FMN2: variants seen among roughly 807,000 people sequenced by gnomAD.
FMN2 encodes formin 2, also known as formin-2.
A neutral mutation model predicts 142.3 loss-of-function variants in FMN2; 51 were observed. That is an observed-to-expected ratio of 0.36 (90% CI 0.29 to 0.45). FMN2 has a LOEUF of 0.45. FMN2 is among the 20% of genes least tolerant of loss of function. The probability of loss-of-function intolerance (pLI) is 1.00; values close to 1 mark genes in which losing one functional copy is unlikely to be tolerated. For synonymous variants in FMN2, 882 were observed against 869.8 expected (o/e 1.01, Z -0.25); for missense variants, 1,936 against 2,122.8 (o/e 0.91, Z 1.73).
At chr1:240,406,692 T>G (rs1456216717) in intron 15 of FMN2, among the ~76,000 whole-genome samples, 2 of 152,132 alleles carry the variant, frequency 1.3e-5, no homozygotes, top group Non-Finnish European at 2.9e-5. Context: ...ATTTTCTTCA[T>G]GGGTGTTAAT....
intron 8 of FMN2, among the ~76,000 whole-genome samples, chr1:240,306,158 C>A (rs1043427257): frequency 6.6e-6 from 1 of 152,108 alleles, no homozygotes; most frequent in African/African-American, 2.4e-5. Context: ...CTATGTTGGC[C>A]AGGCTGGTCT....
At position 240,263,039 on chromosome 1, in the gene FMN2, G is replaced by A. The variant is rs111562693; in HGVS notation, c.4153+5007G>A. On this transcript the variant is annotated intron_variant, in intron 7 of 17. Coordinates refer to ENST00000319653, the MANE Select transcript of FMN2 (RefSeq NM_020066.5). ...CTCCCAAAGTGCTGGGATTACAGGC[G>A]TGAGCCACCTCACCCATCCCCAAGA... Among the ~76,000 whole-genome samples the A allele has an allele frequency of 8.2e-3, 1,250 of 152,158 alleles. 20 individuals carry two copies. The highest frequency in any genetic ancestry group is 0.028 in the African/African-American group (1,164 of 41,510).
At chr1:240,377,161 A>G (rs1673075146) in intron 14 of FMN2, among the ~76,000 whole-genome samples, 1 of 152,174 alleles carries the variant, frequency 6.6e-6, no homozygotes, top group Non-Finnish European at 1.5e-5. Flanking sequence ...TTCATTAGGT[A>G]TCATTTTTAT....
intron 15 of FMN2, among the ~76,000 whole-genome samples, chr1:240,437,219 C>G (rs535006032): frequency 6.6e-6 from 1 of 151,840 alleles, no homozygotes; most frequent in Non-Finnish European, 1.5e-5. Context: ...CGTCAAAGTC[C>G]TGGCTGCCAT....
chr1:240,156,952 T>C (rs1664049956), intron 2 of FMN2, among the ~76,000 whole-genome samples: 7 of 152,230 alleles, frequency 4.6e-5, no homozygotes, highest in Admixed American at 4.6e-4. Context: ...TTTTGAAAGC[T>C]TTAGGAAGAG....
intron 15 of FMN2, among the ~76,000 whole-genome samples, chr1:240,436,841 C>G (rs886451555): frequency 6.6e-6 from 1 of 152,116 alleles, no homozygotes; most frequent in African/African-American, 2.4e-5. Context: ...TGAGCAAAAT[C>G]AAGTTGCCTT....
intron 15 of FMN2, among the ~76,000 whole-genome samples, chr1:240,433,150 C>T (rs1269517099): frequency 6.6e-6 from 1 of 152,016 alleles, no homozygotes. Context: ...TCATTAGATG[C>T]GTATCTTTAT....
intron 6 of FMN2, among the ~76,000 whole-genome samples, chr1:240,214,561 AAAAAAG>A (rs1335139406): frequency 6.2e-4 from 92 of 148,270 alleles, no homozygotes; most frequent in African/African-American, 1.3e-3. Context: ...AAAAAAAAAA[AAAAAAG>A]AAAAAGAAAA....
Position 240,424,144 on chromosome 1 carries a change from A to G in FMN2, c.4911-13917A>G, listed in dbSNP as rs538885789. Among the ~76,000 whole-genome samples the G allele has an allele frequency of 4.6e-5, 7 of 152,358 alleles. No homozygotes were observed. The East Asian group carries it at 9.6e-4, about 21-fold the overall frequency. On this transcript the variant is annotated intron_variant, in intron 15 of 17. Coordinates refer to ENST00000319653, the MANE Select transcript of FMN2 (RefSeq NM_020066.5). Reference sequence around the variant, plus strand: ...GGCAGGAAGCTCTGTGTCTGTGTATACATACATAGGTGTACATGAGCAACA... The same window carrying G: ...GGCAGGAAGCTCTGTGTCTGTGTATGCATACATAGGTGTACATGAGCAACA...
At chr1:240,453,203 G>A (rs577910364) in intron 16 of FMN2, among the ~76,000 whole-genome samples, 259 of 152,174 alleles carry the variant, frequency 1.7e-3, no homozygotes, top group African/African-American at 5.7e-3. Context: ...ATATATTAAC[G>A]TTGTTTGAAA....
At chr1:240,451,935 A>G (rs951466644) in intron 16 of FMN2, among the ~76,000 whole-genome samples, 3 of 152,058 alleles carry the variant, frequency 2.0e-5, no homozygotes, top group Non-Finnish European at 4.4e-5. Context: ...AAAACTTAAA[A>G]TTCAGTTATA....
chr1:240,194,536 A>G (rs1379628111), intron 4 of FMN2, among the ~76,000 whole-genome samples: 1 of 152,188 alleles, frequency 6.6e-6, no homozygotes, highest in Non-Finnish European at 1.5e-5. Context: ...TCAGAAGTGA[A>G]AAACTGCAAG....
chr1:240,347,398 C>G (rs1389837600), intron 13 of FMN2, among the ~76,000 whole-genome samples: 1 of 152,204 alleles, frequency 6.6e-6, no homozygotes, highest in Non-Finnish European at 1.5e-5. Flanking sequence ...CTTCCTCCAT[C>G]TCCATCTCAA....
intron 14 of FMN2, among the ~76,000 whole-genome samples, chr1:240,372,639 C>G (rs1476858737): frequency 8.7e-6 from 1 of 114,844 alleles, no homozygotes; most frequent in East Asian, 2.6e-4. Context: ...GGAAGAATTT[C>G]TTTTTTTTTT....
Position 240,211,216 on chromosome 1 carries a change from C to A in FMN2, c.4046C>A (p.Ser1349Ter). The A allele has an allele frequency of 6.2e-7, 1 of 1,611,898 alleles. No homozygotes were observed. Among genetic ancestry groups the A allele is most frequent in the South Asian group, 1.1e-5 (1 of 90,388 alleles). Residue 1349 changes from serine to a stop codon, truncating the protein, a stop_gained, in exon 6 of 18, where the codon TCA (serine) becomes TAA (stop). Transcript: ENST00000319653. LOFTEE classifies it high-confidence loss of function. ...ERKKPISDTI[S>*]KTKAKQVVKL... ...AAGAAACCTATCTCTGATACTATCT[C>A]AAAGACGAAGGCTAAACAAGTGAGT...
At chr1:240,469,482 T>C (rs1676741631) in intron 16 of FMN2, among the ~76,000 whole-genome samples, 1 of 152,082 alleles carries the variant, frequency 6.6e-6, no homozygotes. Context: ...TGAAAACCAG[T>C]TGGAACTCTT....
chr1:240,454,280 G>A (rs1474772416), intron 16 of FMN2, among the ~76,000 whole-genome samples: 1 of 150,928 alleles, frequency 6.6e-6, no homozygotes, highest in Non-Finnish European at 1.5e-5. Flanking sequence ...GGTGGCTCAT[G>A]CCTTTAATCC....
At chr1:240,166,309 A>G (rs959375335) in intron 2 of FMN2, among the ~76,000 whole-genome samples, 6 of 151,934 alleles carry the variant, frequency 3.9e-5, no homozygotes, top group African/African-American at 2.4e-5. Context: ...GGCTCACTGC[A>G]AACTCTGCCT....
intron 16 of FMN2, among the ~76,000 whole-genome samples, chr1:240,453,650 G>T: frequency 6.6e-6 from 1 of 152,148 alleles, no homozygotes; most frequent in East Asian, 1.9e-4. Flanking sequence ...ATGAGAGTGG[G>T]TATTAATGAA....
Sources: allele counts gnomAD v4.1 joint callset (sites outside exome capture counted in the v4.1 genomes callset), GRCh38; gene constraint gnomAD v4.1.1; transcripts MANE v1.5; gene names NCBI Gene and HGNC (gene_info 2026-07-23, HGNC 2026-07-21).